Variants in PRRX1 observed in about 807,000 individuals in gnomAD.
The protein encoded by PRRX1 is paired mesoderm homeobox protein 1.
PRRX1 carries 8 observed loss-of-function variants against 24.0 expected under a neutral mutation model. The ratio of observed to expected loss-of-function variants is 0.33; its 90% CI spans 0.20 to 0.60. PRRX1 has a LOEUF of 0.60. PRRX1 is among the 20% of genes least tolerant of loss of function. The probability of loss-of-function intolerance (pLI) is 0.82; values close to 1 mark genes in which losing one functional copy is unlikely to be tolerated. For missense variants in PRRX1, 281 were observed against 322.4 expected (o/e 0.87, Z 0.98); for synonymous variants, 160 against 131.7 (o/e 1.22, Z -1.47).
intron 1 of PRRX1, 58 bp downstream of exon 1, chr1:170,664,517 G>T: frequency 9.1e-6 from 14 of 1,545,528 alleles, no homozygotes; most frequent in Non-Finnish European, 1.2e-5. Context: ...GCGGGGACCC[G>T]TGTAGGGCAG....
intron 1 of PRRX1, among the ~76,000 whole-genome samples, chr1:170,685,865 A>G (rs1242448314): frequency 2.0e-5 from 3 of 150,002 alleles, no homozygotes; most frequent in South Asian, 4.3e-4. Context: ...GCAGCATGTG[A>G]ATGCAACTTG....
At chr1:170,714,894 C>T (rs1014862926) in intron 1 of PRRX1, among the ~76,000 whole-genome samples, 4 of 152,054 alleles carry the variant, frequency 2.6e-5, no homozygotes. Context: ...CTACCTTGGG[C>T]TTACAGTCTT....
chr1:170,714,374 C>T (rs1050463061), intron 1 of PRRX1, among the ~76,000 whole-genome samples: 1 of 152,138 alleles, frequency 6.6e-6, no homozygotes, highest in East Asian at 1.9e-4. Context: ...AAATGATCAG[C>T]GGGCTGCACT....
chr1:170,723,582 A>G (rs1276248420), intron 2 of PRRX1, among the ~76,000 whole-genome samples: 1 of 152,248 alleles, frequency 6.6e-6, no homozygotes, highest in East Asian at 1.9e-4. Flanking sequence ...TTGTATGATC[A>G]TGAATTGGAT....
At position 170,737,727 on chromosome 1, in the gene PRRX1, CT is replaced by C. The variant is rs1180382426; in HGVS notation, c.*1543del. 4.5e-6 allele frequency: 1 copy of C among 221,606 alleles called. No homozygotes were observed. The highest frequency in any genetic ancestry group is 2.2e-5 in the African/African-American group (1 of 44,660). The allele number at this position is 221,606 out of a possible 1,614,324, so 13.7% of individuals were successfully genotyped here. On this transcript the variant is annotated 3_prime_UTR_variant, in exon 4 of 4. Coordinates refer to ENST00000239461, the MANE Select transcript of PRRX1 (RefSeq NM_022716.4). Reference sequence around the variant, plus strand: ...TTTGTTCCCAGCCATGCTTTTGTAACTTGCCAGGTGGACTTGACCAACTACA... The same window carrying C: ...TTTGTTCCCAGCCATGCTTTTGTAACTGCCAGGTGGACTTGACCAACTACA...
intron 3 of PRRX1, chr1:170,728,953 A>G (rs928020491): frequency 2.6e-5 from 4 of 152,230 alleles, no homozygotes; most frequent in African/African-American, 7.2e-5. Flanking sequence ...TGTTGGTACT[A>G]TTATGTCAAG....
At chr1:170,729,882 A>C (rs1404409144) in intron 3 of PRRX1, among the ~76,000 whole-genome samples, 1 of 152,216 alleles carries the variant, frequency 6.6e-6, no homozygotes, top group Non-Finnish European at 1.5e-5. Flanking sequence ...AACTTGTAAG[A>C]GTGAAAGCAC....
chr1:170,721,604 C>T (rs752059929), intron 2 of PRRX1, among the ~76,000 whole-genome samples: 2 of 152,146 alleles, frequency 1.3e-5, no homozygotes, highest in African/African-American at 2.4e-5. Flanking sequence ...AGAAGAAAGT[C>T]GTGGGAGCCT....
intron 1 of PRRX1, among the ~76,000 whole-genome samples, chr1:170,693,550 C>T (rs1186760383): frequency 3.3e-5 from 5 of 152,024 alleles, no homozygotes; most frequent in Non-Finnish European, 7.4e-5. Flanking sequence ...TCCCTATCCA[C>T]CAGCCCCCAC....
chr1:170,693,574 C>T (rs1475861606), intron 1 of PRRX1, among the ~76,000 whole-genome samples: 1 of 152,090 alleles, frequency 6.6e-6, no homozygotes, highest in African/African-American at 2.4e-5. Flanking sequence ...AATCAATAAT[C>T]ACTGTTGTAA....
chr1:170,732,904 G>A (rs1407547611), intron 3 of PRRX1, among the ~76,000 whole-genome samples: 1 of 152,128 alleles, frequency 6.6e-6, no homozygotes, highest in Admixed American at 6.6e-5. Flanking sequence ...TCACAGACTT[G>A]CCTCTGGTGG....
chr1:170,664,347 G>A lies in PRRX1; in HGVS notation c.129G>A (p.Glu43=). 6.2e-7 allele frequency: 1 copy of A among 1,614,010 alleles called. No individual in the cohort carries two copies. Among genetic ancestry groups the A allele is most frequent in the Non-Finnish European group, 8.5e-7 (1 of 1,179,960 alleles). ...NFSVSHLLDL[E]EAGDMVAAQA... The stretch of plus-strand genomic sequence containing the variant: ...CCGTCAGTCACCTGCTAGACCTGGA[G>A]GAAGCCGGGGACATGGTGGCGGCAC... Residue 43 remains glutamate, a synonymous_variant, in exon 1 of 4, where the codon GAG becomes GAA. Coordinates refer to ENST00000239461, the MANE Select transcript of PRRX1 (RefSeq NM_022716.4).
At chr1:170,726,154 G>C in intron 2 of PRRX1, 66 bp from the exon 3 acceptor site, 1 of 1,466,032 alleles carries the variant, frequency 6.8e-7, no homozygotes, top group Admixed American at 1.8e-5. Flanking sequence ...TTTCATTCAT[G>C]TAACCCCTTC....
intron 1 of PRRX1, among the ~76,000 whole-genome samples, chr1:170,703,664 T>TGAA (rs1404931646): frequency 6.6e-6 from 1 of 152,032 alleles, no homozygotes; most frequent in Non-Finnish European, 1.5e-5. Context: ...CACTTTCCAT[T>TGAA]GGTATTTTAC....
intron 1 of PRRX1, among the ~76,000 whole-genome samples, chr1:170,682,780 C>T (rs1653598953): frequency 6.6e-6 from 1 of 152,094 alleles, no homozygotes; most frequent in Admixed American, 6.6e-5. Flanking sequence ...TGAACACACA[C>T]CTAGATAAGT....
intron 1 of PRRX1, among the ~76,000 whole-genome samples, chr1:170,674,476 C>G (rs1268679043): frequency 6.6e-6 from 1 of 152,196 alleles, no homozygotes; most frequent in African/African-American, 2.4e-5. Flanking sequence ...TCTCTGACTA[C>G]TTTATTCCAG....
chr1:170,684,551 A>G (rs1653666079), intron 1 of PRRX1, among the ~76,000 whole-genome samples: 1 of 152,234 alleles, frequency 6.6e-6, no homozygotes, highest in Admixed American at 6.5e-5. Flanking sequence ...TTAGGAGTTC[A>G]AGACTAGCCT....
At chr1:170,713,224 G>C (rs1262084975) in intron 1 of PRRX1, among the ~76,000 whole-genome samples, 1 of 152,120 alleles carries the variant, frequency 6.6e-6, no homozygotes, top group Non-Finnish European at 1.5e-5. Context: ...GTGCTCTGGA[G>C]TTATAGCCTA....
intron 1 of PRRX1, among the ~76,000 whole-genome samples, chr1:170,692,519 CTGTT>C (rs529218747): frequency 1.9e-3 from 266 of 143,362 alleles, no homozygotes; most frequent in African/African-American, 6.5e-3. Context: ...AAAGTTAAAG[CTGTT>C]TTTTTTTTTT....
Sources: gnomAD v4.1 joint callset for allele counts (sites outside exome capture counted in the v4.1 genomes callset) on GRCh38, gnomAD v4.1.1 for gene constraint, MANE v1.5 for transcripts, NCBI Gene and HGNC (gene_info 2026-07-23, HGNC 2026-07-21) for gene names.